The following WDR7 variants were observed in gnomAD, a reference collection of about 807,000 sequenced individuals.
WDR7 encodes WD repeat-containing protein 7.
A neutral mutation model predicts 169.4 loss-of-function variants in WDR7; 46 were observed. The ratio of observed to expected loss-of-function variants is 0.27; its 90% CI spans 0.21 to 0.35. The LOEUF (loss-of-function observed/expected upper bound fraction) is 0.35. WDR7 is among the 10% of genes least tolerant of loss of function. WDR7 has a pLI of 1.00. For missense variants in WDR7, 1,534 were observed against 1,859.3 expected (o/e 0.83, Z 3.22); for synonymous variants, 612 against 666.8 (o/e 0.92, Z 1.27).
chr18:56,965,448 T>C (rs2047395599), intron 26 of WDR7, among the ~76,000 whole-genome samples: 1 of 150,580 alleles, frequency 6.6e-6, no homozygotes, highest in African/African-American at 2.5e-5. Context: ...CTTTTTTTTT[T>C]TAATCTGTTT....
intron 14 of WDR7, among the ~76,000 whole-genome samples, chr18:56,737,924 G>T (rs920835868): frequency 4.6e-5 from 7 of 152,070 alleles, no homozygotes; most frequent in African/African-American, 1.7e-4. Flanking sequence ...AAACTTTAAT[G>T]AATATTTTAA....
intron 14 of WDR7, among the ~76,000 whole-genome samples, chr18:56,747,695 G>T (rs1361610852): frequency 6.6e-6 from 1 of 152,206 alleles, no homozygotes; most frequent in East Asian, 1.9e-4. Context: ...TAGGAGGACG[G>T]TGGGGAAGAA....
chr18:57,011,868 T>C (rs903437744), intron 26 of WDR7, among the ~76,000 whole-genome samples: 4 of 152,216 alleles, frequency 2.6e-5, no homozygotes, highest in Admixed American at 2.0e-4. Context: ...ATTTTTAGTT[T>C]TTATATTTTG....
intron 21 of WDR7, among the ~76,000 whole-genome samples, chr18:56,916,902 A>G (rs1226858419): frequency 6.6e-6 from 1 of 152,116 alleles, no homozygotes; most frequent in East Asian, 1.9e-4. Flanking sequence ...TCTCTACTAA[A>G]GATACCAAAA....
At chr18:56,857,200 A>G (rs941026223) in intron 20 of WDR7, among the ~76,000 whole-genome samples, 11 of 152,322 alleles carry the variant, frequency 7.2e-5, no homozygotes, top group African/African-American at 2.4e-4. Context: ...TTTCTGATAT[A>G]GTATTCTTCC....
intron 13 of WDR7, among the ~76,000 whole-genome samples, chr18:56,721,233 T>G (rs2026313968): frequency 6.6e-6 from 1 of 152,188 alleles, no homozygotes; most frequent in South Asian, 2.1e-4. Context: ...GTTATTGTTT[T>G]GAGTTATACT....
At chr18:56,929,683 T>C (rs927717897) in intron 22 of WDR7, among the ~76,000 whole-genome samples, 12 of 152,188 alleles carry the variant, frequency 7.9e-5, no homozygotes, top group African/African-American at 2.4e-4. Context: ...TAAAATCTTA[T>C]GTGAGGAAAT....
intron 1 of WDR7, among the ~76,000 whole-genome samples, chr18:56,654,033 T>C (rs2024713205): frequency 6.6e-6 from 1 of 152,230 alleles, no homozygotes; most frequent in Admixed American, 6.5e-5. Flanking sequence ...CTTGGTTTTA[T>C]TCAGTGCTCC....
rs180829694 is a variant in WDR7 at position 56,980,153 on chromosome 18, T to C, written c.4164+17624T>C. 3.2e-4 allele frequency among the ~76,000 whole-genome samples: 49 copies of C among 152,272 alleles called. No individual in the cohort carries two copies. In the East Asian group the frequency reaches 9.1e-3, roughly 28 times the overall value. On this transcript the variant is annotated intron_variant, in intron 26 of 27. Coordinates refer to ENST00000254442, the MANE Select transcript of WDR7 (RefSeq NM_015285.3). ...TCTGGCTTTAGGTCATGATGAGACATAGAGGAGGTTCAGGTTGGTTCCTGG... is the reference window on the plus strand; with the variant it reads ...TCTGGCTTTAGGTCATGATGAGACACAGAGGAGGTTCAGGTTGGTTCCTGG...
intron 26 of WDR7, among the ~76,000 whole-genome samples, chr18:56,974,262 G>T (rs1214852710): frequency 6.6e-6 from 1 of 151,700 alleles, no homozygotes; most frequent in Non-Finnish European, 1.5e-5. Flanking sequence ...TAACCTGACT[G>T]CATTGCCAAG....
chr18:56,980,596 G>A (rs901545669), intron 26 of WDR7, among the ~76,000 whole-genome samples: 6 of 152,284 alleles, frequency 3.9e-5, no homozygotes, highest in South Asian at 4.2e-4. Flanking sequence ...TACATTTTGC[G>A]ATAAATACTA....
chr18:56,930,067 A>T (rs1467757057), intron 22 of WDR7, among the ~76,000 whole-genome samples: 1 of 152,146 alleles, frequency 6.6e-6, no homozygotes, highest in Non-Finnish European at 1.5e-5. Context: ...CAGCTGCTGA[A>T]GGGGCCGGGC....
chr18:56,796,251 C>T (rs1244889174), intron 19 of WDR7, among the ~76,000 whole-genome samples: 1 of 152,198 alleles, frequency 6.6e-6, no homozygotes, highest in African/African-American at 2.4e-5. Flanking sequence ...AGAGGTTTCA[C>T]TGTGAGGATA....
chr18:56,937,588 C>T (rs1007919805), intron 23 of WDR7, among the ~76,000 whole-genome samples: 12 of 152,016 alleles, frequency 7.9e-5, no homozygotes, highest in Non-Finnish European at 1.3e-4. Flanking sequence ...ATAAAGCTTA[C>T]GATTGTATAG....
chr18:56,953,948 C>T (rs1008028114), intron 25 of WDR7, among the ~76,000 whole-genome samples: 2 of 152,194 alleles, frequency 1.3e-5, no homozygotes, highest in Non-Finnish European at 2.9e-5. Flanking sequence ...TATTCTTTTA[C>T]ATTGCATATT....
At position 56,785,111 on chromosome 18, in the gene WDR7, G is replaced by A. The variant is rs562726365; in HGVS notation, c.3190+3455G>A. On this transcript the variant is annotated intron_variant, in intron 19 of 27. Transcript: ENST00000254442. ...GGCTAAGGGAGTAGGGATTCTGAAC[G>A]TATGAAAGGAGAAGAAAGCTTACAA... Among the ~76,000 whole-genome samples, 49 of 152,232 alleles carry A rather than the reference G, an allele frequency of 3.2e-4. 1 individual carries two copies. In the South Asian group the frequency reaches 4.4e-3, roughly 14 times the overall value.
At chr18:56,908,472 T>C (rs1482788045) in intron 21 of WDR7, among the ~76,000 whole-genome samples, 1 of 152,192 alleles carries the variant, frequency 6.6e-6, no homozygotes, top group Non-Finnish European at 1.5e-5. Flanking sequence ...ATTTGCAATA[T>C]TAAACATAAA....
intron 12 of WDR7, among the ~76,000 whole-genome samples, chr18:56,698,187 C>T (rs1001514048): frequency 1.3e-5 from 2 of 150,136 alleles, no homozygotes; most frequent in Non-Finnish European, 3.0e-5. Context: ...AGGAGCGAAA[C>T]GCTGTTTAAA....
chr18:56,912,873 T>G (rs1464261118), intron 21 of WDR7, among the ~76,000 whole-genome samples: 2 of 151,920 alleles, frequency 1.3e-5, no homozygotes, highest in Admixed American at 1.3e-4. Context: ...ATTTTTAGTT[T>G]TAATTTAATT....
Sources: allele counts gnomAD v4.1 joint callset (sites outside exome capture counted in the v4.1 genomes callset), GRCh38; gene constraint gnomAD v4.1.1; transcripts MANE v1.5; gene names NCBI Gene and HGNC (gene_info 2026-07-23, HGNC 2026-07-21).